The following GTF3C1 variants were observed in gnomAD, a reference collection of about 807,000 sequenced individuals.
GTF3C1 encodes general transcription factor 3C polypeptide 1.
Under a neutral mutation model 226.7 loss-of-function variants are expected in GTF3C1, and 57 were observed. That is an observed-to-expected ratio of 0.25 (90% CI 0.20 to 0.31). The LOEUF is 0.31. Ranked by LOEUF, GTF3C1 falls within the 10% of genes least tolerant of loss-of-function variation. The probability of loss-of-function intolerance (pLI) is 1.00; values close to 1 mark genes in which losing one functional copy is unlikely to be tolerated. For synonymous variants in GTF3C1, 1,090 were observed against 1,084.8 expected (o/e 1.00, Z -0.09); for missense variants, 2,217 against 2,776.1 (o/e 0.80, Z 4.53).
At chr16:27,548,136 T>C (rs969389657) in intron 1 of GTF3C1, among the ~76,000 whole-genome samples, 4 of 152,206 alleles carry the variant, frequency 2.6e-5, no homozygotes, top group African/African-American at 9.6e-5. Context: ...CTTAGCACAG[T>C]CCTAGCTATT....
At chr16:27,493,422 C>A (rs1038090927) in intron 16 of GTF3C1, 126 bp from the exon 17 acceptor site, 8 of 640,034 alleles carry the variant, frequency 1.2e-5, no homozygotes, top group Non-Finnish European at 2.3e-5. Flanking sequence ...GGCTCTCCTT[C>A]CTGCCCCACC....
Position 27,483,036 on chromosome 16 carries a change from G to A in GTF3C1, c.4083+8C>T. ...GCATACCAAGCCCTACACTCACACA[G>A]GACCTACCTTTGGGTCATCATAGTC... On this transcript the variant is annotated splice_region_variant and intron_variant, in intron 26 of 36. Coordinates refer to ENST00000356183, the MANE Select transcript of GTF3C1 (RefSeq NM_001520.4). 6.2e-7 allele frequency: 1 copy of A among 1,613,382 alleles called. No homozygotes were observed. The highest frequency in any genetic ancestry group is 1.1e-5 in the South Asian group (1 of 91,036).
At chr16:27,503,035 G>A in intron 10 of GTF3C1, 40 bp from the exon 11 acceptor site, 1 of 1,575,744 alleles carries the variant, frequency 6.3e-7, no homozygotes, top group Non-Finnish European at 8.7e-7. Flanking sequence ...AATGGGCTCG[G>A]CAAGGCTTGG....
At chr16:27,525,518 T>C (rs1005227583) in intron 6 of GTF3C1, among the ~76,000 whole-genome samples, 2 of 152,212 alleles carry the variant, frequency 1.3e-5, no homozygotes, top group Admixed American at 1.3e-4. Flanking sequence ...TGATACCATC[T>C]CCTCCACAAG....
chr16:27,544,799 GC>G (rs2089138747), intron 2 of GTF3C1, among the ~76,000 whole-genome samples: 1 of 152,140 alleles, frequency 6.6e-6, no homozygotes, highest in Non-Finnish European at 1.5e-5. Flanking sequence ...AGGACTGTGA[GC>G]ACAAAGGAAA....
At chr16:27,548,985 A>G (rs910224927) in intron 1 of GTF3C1, among the ~76,000 whole-genome samples, 7 of 151,986 alleles carry the variant, frequency 4.6e-5, no homozygotes, top group African/African-American at 1.7e-4. Context: ...GACACCCCAT[A>G]CCTACTAAAA....
Position 27,481,105 on chromosome 16 carries a change from T to C in GTF3C1, c.4170A>G (p.Pro1390=). The change falls in exon 27 of 37, where the codon CCA becomes CCG. Residue 1390 remains proline (P), a synonymous_variant. Coordinates refer to ENST00000356183, the MANE Select transcript of GTF3C1 (RefSeq NM_001520.4). ...TGGCGAACAGCTCCTGGAGTGTGTC[T>C]GGGATTTCAAGGTTAGAATTCCTTA... is the stretch of plus-strand genomic sequence containing the variant. The part of the protein sequence containing the change: ...SALRNSNLEI[P]DTLQELFARY... 6.2e-7 allele frequency: 1 copy of C among 1,614,204 alleles called. No individual in the cohort carries two copies. The highest frequency in any genetic ancestry group is 1.1e-5 in the South Asian group (1 of 91,086).
intron 7 of GTF3C1, among the ~76,000 whole-genome samples, chr16:27,510,079 T>C (rs927125214): frequency 6.6e-6 from 1 of 151,946 alleles, no homozygotes; most frequent in Non-Finnish European, 1.5e-5. Context: ...TGAAACCTTG[T>C]CTCTACTAAA....
intron 4 of GTF3C1, among the ~76,000 whole-genome samples, chr16:27,533,590 G>A (rs1185540625): frequency 2.0e-5 from 3 of 152,168 alleles, no homozygotes; most frequent in South Asian, 2.1e-4. Context: ...GTTCTGTCAC[G>A]TCCAAGGCCA....
chr16:27,471,676 T>C lies in GTF3C1; in HGVS notation c.4526+72A>G. 1 of 1,243,700 alleles carries C rather than the reference T, an allele frequency of 8.0e-7. No homozygotes were observed. Among genetic ancestry groups the C allele is most frequent in the Non-Finnish European group, 1.2e-6 (1 of 859,244 alleles). 77.0% of individuals were successfully genotyped at this position (1,243,700 alleles called of 1,614,324 possible). A position where few individuals can be genotyped will look rare whatever the true frequency, so the allele number is the denominator to read the frequency against. ...CTACACGCTTTCATGGCCACAGTGC[T>C]TCCTTTGCTCCTCTTTACAGACAGG... On this transcript the variant is annotated intron_variant, in intron 30 of 36. Transcript: ENST00000356183. This position sits in a 1 kb window ranked among gnomAD's most constrained non-coding sequence, Gnocchi z 5.0.
chr16:27,478,377 G>C (rs2087985091), intron 28 of GTF3C1, 92 bp downstream of exon 28: 1 of 885,298 alleles, frequency 1.1e-6, no homozygotes, highest in Non-Finnish European at 1.9e-6. Flanking sequence ...TAGTGGGCTG[G>C]ATTTGGCCCT....
chr16:27,472,187 G>C (rs1008903564), intron 29 of GTF3C1, among the ~76,000 whole-genome samples: 8 of 152,142 alleles, frequency 5.3e-5, no homozygotes, highest in African/African-American at 1.9e-4. Flanking sequence ...TGACGAGACA[G>C]GGGGGCTATT....
intron 6 of GTF3C1, among the ~76,000 whole-genome samples, chr16:27,517,764 G>A (rs189991606): frequency 7.2e-5 from 11 of 152,288 alleles, no homozygotes; most frequent in Non-Finnish European, 1.2e-4. Flanking sequence ...GGTGTTTTCG[G>A]AAGTGATTTT....
intron 2 of GTF3C1, among the ~76,000 whole-genome samples, chr16:27,539,250 C>T (rs926867534): frequency 9.8e-5 from 15 of 152,294 alleles, no homozygotes; most frequent in African/African-American, 3.6e-4. Context: ...CTCATTTTGA[C>T]TTCACTGTTG....
intron 10 of GTF3C1, among the ~76,000 whole-genome samples, chr16:27,505,549 T>C (rs1462885861): frequency 1.3e-5 from 2 of 152,078 alleles, no homozygotes; most frequent in African/African-American, 2.4e-5. Context: ...CCATAGAGAG[T>C]TGTGGCATCC....
chr16:27,479,551 C>T (rs947883649), intron 27 of GTF3C1, among the ~76,000 whole-genome samples: 2 of 152,194 alleles, frequency 1.3e-5, no homozygotes, highest in African/African-American at 4.8e-5. Flanking sequence ...TGAAAACCAC[C>T]TCTGCTTCCT....
At chr16:27,549,623 G>C (rs1281968010) in intron 1 of GTF3C1, 47 bp downstream of exon 1, 2 of 838,016 alleles carry the variant, frequency 2.4e-6, no homozygotes, top group Non-Finnish European at 3.8e-6. Context: ...TCAGCCCCCG[G>C]GCCCTGCGCC....
intron 16 of GTF3C1, 45 bp from the exon 17 acceptor site, chr16:27,493,341 C>T (rs1315882417): frequency 2.1e-6 from 2 of 950,994 alleles, no homozygotes; most frequent in South Asian, 1.3e-5. Flanking sequence ...AGGGCCAGGG[C>T]GACCTGCAAG....
At chr16:27,501,133 GACAAAA>G in intron 12 of GTF3C1, 52 bp downstream of exon 12, 1 of 1,447,578 alleles carries the variant, frequency 6.9e-7, no homozygotes, top group South Asian at 1.2e-5. Flanking sequence ...AGAGAAGCTA[GACAAAA>G]ACTTCCAACA....
Sources: gnomAD v4.1 joint callset for allele counts (sites outside exome capture counted in the v4.1 genomes callset) on GRCh38, gnomAD v4.1.1 for gene constraint, Gnocchi (gnomAD v3.1) non-coding constraint, MANE v1.5 for transcripts, NCBI Gene and HGNC (gene_info 2026-07-23, HGNC 2026-07-21) for gene names.